PRSS23: variants seen among roughly 807,000 people sequenced by gnomAD.
PRSS23 encodes protease, serine 23.
In PRSS23, 25 loss-of-function variants were observed where a neutral mutation model predicts 34.7. The observed-to-expected ratio is 0.72, with a 90% CI of 0.53 to 1.01. The LOEUF (loss-of-function observed/expected upper bound fraction) is 1.01. PRSS23 is among the 50% of genes least tolerant of loss of function. The pLI, the probability that PRSS23 is intolerant of heterozygous loss-of-function variation, is 0.00. For synonymous variants in PRSS23, 176 were observed against 186.6 expected, an observed-to-expected ratio of 0.94 and a Z score of 0.46; for missense variants, 445 against 475.6, an observed-to-expected ratio of 0.94 and a Z score of 0.60.
At chr11:86,795,465 C>T (rs1269664261) in intron 1 of PRSS23, among the ~76,000 whole-genome samples, 1 of 152,250 alleles carries the variant, frequency 6.6e-6, no homozygotes, top group Admixed American at 6.5e-5. Context: ...CAGAATTTCA[C>T]ATCCTTTGCT....
At chr11:86,823,911 C>T (rs968741630) in intron 2 of PRSS23, among the ~76,000 whole-genome samples, 2 of 136,814 alleles carry the variant, frequency 1.5e-5, no homozygotes, top group African/African-American at 5.6e-5. Context: ...GAGGCTGAGG[C>T]AGGAGAATGG....
chr11:86,929,349 C>T (rs1430675963), intron 2 of PRSS23, among the ~76,000 whole-genome samples: 2 of 151,034 alleles, frequency 1.3e-5, no homozygotes, highest in African/African-American at 2.4e-5. Flanking sequence ...AAAAAAAACC[C>T]CACAAACTCA....
chr11:86,873,622 G>T (rs1453379491), intron 2 of PRSS23, among the ~76,000 whole-genome samples: 1 of 152,064 alleles, frequency 6.6e-6, no homozygotes, highest in Non-Finnish European at 1.5e-5. Context: ...TAGCTGATTG[G>T]TCCAGAGATG....
At chr11:86,845,934 C>T (rs1948483043) in intron 2 of PRSS23, among the ~76,000 whole-genome samples, 1 of 152,190 alleles carries the variant, frequency 6.6e-6, no homozygotes, top group Admixed American at 6.5e-5. Context: ...GTAGCTAAAA[C>T]CTAAGTTGCA....
At chr11:86,927,393 C>T (rs1244418366) in intron 2 of PRSS23, among the ~76,000 whole-genome samples, 1 of 152,144 alleles carries the variant, frequency 6.6e-6, no homozygotes, top group Non-Finnish European at 1.5e-5. Flanking sequence ...AGAAGCTGAC[C>T]CTGAGCTGGC....
At chr11:86,877,429 A>G (rs1165197158) in intron 2 of PRSS23, among the ~76,000 whole-genome samples, 3 of 152,188 alleles carry the variant, frequency 2.0e-5, no homozygotes, top group Non-Finnish European at 2.9e-5. Context: ...TCACCTGTGC[A>G]GTCTTTGGAT....
At chr11:86,936,622 T>A (rs1949164340) in intron 2 of PRSS23, 2 of 152,094 alleles carry the variant, frequency 1.3e-5, no homozygotes, top group South Asian at 4.2e-4. Flanking sequence ...GAAAGAGTTT[T>A]GCTCCGTGTG....
Position 86,834,570 on chromosome 11 carries a change from TTCC to T in PRSS23, c.206+10979_206+10981del, listed in dbSNP as rs777342282. 7.2e-4 allele frequency among the ~76,000 whole-genome samples: 98 copies of T among 136,318 alleles called. 3 individuals are homozygous for T. The highest frequency in any genetic ancestry group is 2.7e-3 in the African/African-American group (95 of 34,756). The allele number at this position is 136,318 out of a possible 152,430, so 89.4% of individuals were successfully genotyped here. A position where few individuals can be genotyped will look rare whatever the true frequency, so the allele number is the denominator to read the frequency against. On this transcript the variant is annotated intron_variant, in intron 2 of 2. Transcript: ENST00000533902. ...CCTTTCCTTTTTCCTTTCCTTTCCT[TTCC>T]TTTCCTTTCCTTTCCTTTCCTTTCC...
rs74359339 is a variant in PRSS23, at chr11:86,802,952, T to C, written c.-14+2301T>C. ...TCAGACAGTGGCTCATATTGAGTGA[T>C]GGAGGGTGGACTGTGTAACCTATTT... On this transcript the variant is annotated intron_variant, in intron 1 of 1. Transcript: ENST00000280258. Among the ~76,000 whole-genome samples, 322 of 152,306 alleles carry C rather than the reference T, an allele frequency of 2.1e-3. 3 individuals are homozygous for C. Among genetic ancestry groups the C allele is most frequent in the Non-Finnish European group, 3.5e-3 (238 of 68,022 alleles).
chr11:86,798,030 A>G (rs1379483931), upstream of PRSS23, among the ~76,000 whole-genome samples: 1 of 152,144 alleles, frequency 6.6e-6, no homozygotes, highest in Non-Finnish European at 1.5e-5. Context: ...TTTCCATGTA[A>G]TATGTGCTCA....
chr11:86,856,392 C>T (rs1291026978), intron 2 of PRSS23, among the ~76,000 whole-genome samples: 1 of 151,862 alleles, frequency 6.6e-6, no homozygotes, highest in Non-Finnish European at 1.5e-5. Flanking sequence ...TAATGAGACC[C>T]AGGCCTCATC....
intron 2 of PRSS23, among the ~76,000 whole-genome samples, chr11:86,828,024 G>A (rs1948317511): frequency 6.6e-6 from 1 of 152,172 alleles, no homozygotes; most frequent in African/African-American, 2.4e-5. Context: ...TTGGTGCAGA[G>A]CTGAGTTCAA....
chr11:86,800,297 C>T, upstream of PRSS23: 1 of 259,690 alleles, frequency 3.9e-6, no homozygotes, highest in Non-Finnish European at 6.0e-6. Context: ...CCGAGAGGCC[C>T]GGACTGGCGA....
chr11:86,853,490 G>C (rs990810959), intron 2 of PRSS23, among the ~76,000 whole-genome samples: 3 of 151,932 alleles, frequency 2.0e-5, no homozygotes, highest in Admixed American at 2.0e-4. Context: ...CCTGACCTCA[G>C]GTGATCCTCC....
At chr11:86,800,703 C>G in intron 1 of PRSS23, 52 bp downstream of exon 1, 1 of 948,890 alleles carries the variant, frequency 1.1e-6, no homozygotes, top group South Asian at 4.8e-5. Context: ...AGAGGCGAGG[C>G]GCCGGGAGGA....
chr11:86,948,487 C>T (rs1426041512), intron 2 of PRSS23: 1 of 152,154 alleles, frequency 6.6e-6, no homozygotes, highest in Admixed American at 6.5e-5. Flanking sequence ...TTCCTGAAAC[C>T]ATAAACACTC....
intron 2 of PRSS23, chr11:86,935,168 A>G (rs1464192157): frequency 6.6e-6 from 1 of 152,262 alleles, no homozygotes; most frequent in East Asian, 1.9e-4. Flanking sequence ...TTTGCCAAGG[A>G]CAAGTTTTGT....
chr11:86,808,303 G>A lies in PRSS23; in HGVS notation c.660G>A (p.Gln220=), dbSNP rs1229023642. ...TSAMPEQMKF[Q]WIRVKRTHVP... is the part of the protein sequence containing the mutation. ...CCATGCCCGAGCAGATGAAATTTCA[G>A]TGGATCCGGGTGAAACGCACCCATG... Residue 220 remains glutamine, a synonymous_variant, in exon 2 of 2, where the codon CAG becomes CAA. Transcript: ENST00000280258. 1.9e-6 allele frequency: 3 copies of A among 1,614,034 alleles called. No individual in the cohort carries two copies. The highest frequency in any genetic ancestry group is 2.5e-6 in the Non-Finnish European group (3 of 1,180,058).
intron 2 of PRSS23, among the ~76,000 whole-genome samples, chr11:86,868,377 C>T (rs1360728164): frequency 6.6e-6 from 1 of 152,030 alleles, no homozygotes; most frequent in Non-Finnish European, 1.5e-5. Flanking sequence ...GGAGGCTGCA[C>T]TGATCCACAC....
Sources: allele counts gnomAD v4.1 joint callset (sites outside exome capture counted in the v4.1 genomes callset), GRCh38; gene constraint gnomAD v4.1.1; transcripts MANE v1.5; gene names NCBI Gene and HGNC (gene_info 2026-07-23, HGNC 2026-07-21).